The following MMP26 variants were observed in gnomAD, a reference collection of about 807,000 sequenced individuals.
MMP26 encodes the protein matrix metallopeptidase 26.
A neutral mutation model predicts 31.0 loss-of-function variants in MMP26; 33 were observed. The observed-to-expected ratio is 1.06, with a 90% CI of 0.81 to 1.42. The LOEUF is 1.42. MMP26 is among the 40% of genes most tolerant of loss of function. The pLI is 0.00. For missense variants in MMP26, 347 were observed against 316.1 expected (o/e 1.10, Z -0.74); for synonymous variants, 122 against 114.9 (o/e 1.06, Z -0.40).
At chr11:4,947,429 G>T in intron 2 of MMP26, 1 of 200,888 alleles carries the variant, frequency 5.0e-6, no homozygotes, top group Non-Finnish European at 1.0e-5. Context: ...TCAATTAACT[G>T]GAATCTTCTA....
chr11:4,745,779 C>G (rs143197051), intron 1 of MMP26, among the ~76,000 whole-genome samples: 1 of 152,292 alleles, frequency 6.6e-6, no homozygotes, highest in African/African-American at 2.4e-5. Context: ...TCTCCCTCCC[C>G]ACTCCTGGAA....
chr11:4,825,327 C>T (rs1849565036), intron 2 of MMP26, among the ~76,000 whole-genome samples: 1 of 152,072 alleles, frequency 6.6e-6, no homozygotes, highest in Non-Finnish European at 1.5e-5. Context: ...AGGTTTTTGA[C>T]TTTATCACAG....
chr11:4,877,462 T>C (rs1770320606), intron 2 of MMP26: 5 of 152,242 alleles, frequency 3.3e-5, no homozygotes, highest in African/African-American at 7.2e-5. Context: ...GCAGATCTGA[T>C]AGCAGATTGT....
At chr11:4,851,567 C>G (rs1383783358) in intron 2 of MMP26, among the ~76,000 whole-genome samples, 2 of 151,786 alleles carry the variant, frequency 1.3e-5, no homozygotes, top group South Asian at 2.1e-4. Context: ...CCTTAACAGG[C>G]TTGAATTGGA....
chr11:4,804,795 AC>A (rs201741305), intron 2 of MMP26, among the ~76,000 whole-genome samples: 1,699 of 145,610 alleles, frequency 0.012, 29 homozygotes, highest in African/African-American at 0.038. Context: ...AAATACAAAA[AC>A]AAAACAAAAC....
At chr11:4,738,438 C>T (rs1267714219) in intron 1 of MMP26, among the ~76,000 whole-genome samples, 2 of 152,038 alleles carry the variant, frequency 1.3e-5, no homozygotes, top group African/African-American at 4.8e-5. Flanking sequence ...TCTCATCAAC[C>T]AGAAAAGTGA....
rs764121875 is a variant in MMP26, at chr11:4,990,632, G to A, written c.355G>A (p.Ala119Thr). ...TTACCCACATGATATGAAGCCATCCGCAGTGAAAGACAGTATATATAATGC... is the reference window on the plus strand; with the variant it reads ...TTACCCACATGATATGAAGCCATCCACAGTGAAAGACAGTATATATAATGC... ...INYPHDMKPS[A>T]VKDSIYNAVS... Residue 119 changes from alanine to threonine, a missense_variant, in exon 5 of 8, where the codon GCA (alanine) becomes ACA (threonine). By Grantham distance (58) the Ala-to-Thr change is moderately conservative (BLOSUM62 0). Transcript: ENST00000380390. The A allele has an allele frequency of 2.5e-5, 40 of 1,612,902 alleles. No homozygotes were observed. Among genetic ancestry groups the A allele is most frequent in the Admixed American group, 1.3e-4 (8 of 59,938 alleles).
At chr11:4,751,314 A>G (rs1426555638) in intron 1 of MMP26, among the ~76,000 whole-genome samples, 1 of 152,184 alleles carries the variant, frequency 6.6e-6, no homozygotes, top group African/African-American at 2.4e-5. Flanking sequence ...TAATGTACAC[A>G]CAGGTGTGCA....
chr11:4,817,912 T>C (rs546226921), intron 2 of MMP26, among the ~76,000 whole-genome samples: 8 of 152,056 alleles, frequency 5.3e-5, no homozygotes, highest in Admixed American at 4.6e-4. Flanking sequence ...TCTTCCTCTG[T>C]TGGGAGCCAG....
rs1322000997 is a variant in MMP26 at position 4,953,666 on chromosome 11, C to T, written c.-144-34402C>T. On this transcript the variant is annotated intron_variant, in intron 2 of 7. Transcript: ENST00000380390. ...GAAAAGAGCTCTGTAAATTCAAAAA[C>T]GATTCAGTAGGTCAATGTGGCTGGA... Among the ~76,000 whole-genome samples the T allele has an allele frequency of 8.0e-5, 10 of 125,762 alleles. 2 individuals carry two copies. The highest frequency in any genetic ancestry group is 1.1e-4 in the African/African-American group (4 of 37,044). The allele number at this position is 125,762 out of a possible 152,430, so 82.5% of individuals were successfully genotyped here.
intron 1 of MMP26, among the ~76,000 whole-genome samples, chr11:4,733,693 G>T (rs896953754): frequency 6.6e-6 from 1 of 152,028 alleles, no homozygotes; most frequent in Admixed American, 6.6e-5. Context: ...TAGCTGTTGT[G>T]GCTAGAACCT....
At chr11:4,739,590 T>G (rs1178632967) in intron 1 of MMP26, among the ~76,000 whole-genome samples, 1 of 152,240 alleles carries the variant, frequency 6.6e-6, no homozygotes, top group Non-Finnish European at 1.5e-5. Context: ...ATATGGAGAA[T>G]ATACTCATGC....
chr11:4,954,705 T>C lies in MMP26; in HGVS notation c.-144-33363T>C, dbSNP rs1307267577. The C allele has an allele frequency of 6.8e-6, 5 of 738,604 alleles. 1 individual carries two copies. Among genetic ancestry groups the C allele is most frequent in the African/African-American group, 3.6e-5 (2 of 56,244 alleles). The allele number at this position is 738,604 out of a possible 1,614,324, so 45.8% of individuals were successfully genotyped here. A position where few individuals can be genotyped will look rare whatever the true frequency, so the allele number is the denominator to read the frequency against. ...TGTTGATAATTCTTGGTGTCAAATA[T>C]TAGGTTTCTCAAATTTACCTTAAAT... is the stretch of plus-strand genomic sequence containing the variant. On this transcript the variant is annotated intron_variant, in intron 2 of 7. Transcript: ENST00000380390.
chr11:4,770,170 T>G (rs1348983220), intron 2 of MMP26, among the ~76,000 whole-genome samples: 1 of 152,216 alleles, frequency 6.6e-6, no homozygotes, highest in Admixed American at 6.5e-5. Context: ...CCATATGATT[T>G]TATACATTTT....
intron 2 of MMP26, among the ~76,000 whole-genome samples, chr11:4,855,762 C>G (rs1056053087): frequency 3.3e-5 from 5 of 152,134 alleles, no homozygotes; most frequent in African/African-American, 1.2e-4. Flanking sequence ...CTCCAAGACA[C>G]ATAACTGTCA....
chr11:4,709,205 C>T lies in MMP26; in HGVS notation c.-217+4160C>T, dbSNP rs187024590. On this transcript the variant is annotated intron_variant, in intron 1 of 7. Transcript: ENST00000380390. Reference sequence around the variant, plus strand: ...TCCTGTTGTGTTTCTTATGGCTGTCCGGAAATATCCCATCTGCCCGTGTAC... The same window carrying T: ...TCCTGTTGTGTTTCTTATGGCTGTCTGGAAATATCCCATCTGCCCGTGTAC... 1.7e-3 allele frequency among the ~76,000 whole-genome samples: 257 copies of T among 152,096 alleles called. 3 individuals are homozygous for T. Among genetic ancestry groups the T allele is most frequent in the African/African-American group, 6.0e-3 (249 of 41,494 alleles).
intron 2 of MMP26, among the ~76,000 whole-genome samples, chr11:4,967,274 C>G (rs1846608993): frequency 1.3e-5 from 2 of 152,098 alleles, no homozygotes; most frequent in South Asian, 4.1e-4. Flanking sequence ...ATATTCAGCT[C>G]TCTTTACAAT....
In MMP26 at chr11:4,950,002, C is replaced by T. The variant is rs7927808; in HGVS notation, c.-144-38066C>T. Among the ~76,000 whole-genome samples the T allele has an allele frequency of 3.3e-3, 400 of 122,698 alleles. 97 individuals are homozygous for T. In the East Asian group the frequency reaches 0.033, roughly 10 times the overall value. The allele number at this position is 122,698 out of a possible 152,430, so 80.5% of individuals were successfully genotyped here. A position where few individuals can be genotyped will look rare whatever the true frequency, so the allele number is the denominator to read the frequency against. ...TAAGGCATTAGAATCACCCAGGGAG[C>T]TCTCAAAAGTTGTGATATTCAGGTT... On this transcript the variant is annotated intron_variant, in intron 2 of 7. Coordinates refer to ENST00000380390, the MANE Select transcript of MMP26 (RefSeq NM_021801.5).
intron 2 of MMP26, among the ~76,000 whole-genome samples, chr11:4,842,708 G>A (rs1284378539): frequency 6.6e-6 from 1 of 151,980 alleles, no homozygotes; most frequent in Admixed American, 6.6e-5. Context: ...AAATCTCAAG[G>A]CCTTCTCACA....
Sources: allele counts gnomAD v4.1 joint callset (sites outside exome capture counted in the v4.1 genomes callset), GRCh38; gene constraint gnomAD v4.1.1; transcripts MANE v1.5; gene names NCBI Gene and HGNC (gene_info 2026-07-23, HGNC 2026-07-21).